Variants in ABCA1 observed in about 807,000 individuals in gnomAD.
ABCA1 encodes the protein ATP binding cassette subfamily A member 1, also known as phospholipid-transporting ATPase ABCA1.
Under a neutral mutation model 262.5 loss-of-function variants are expected in ABCA1, and 133 were observed. The observed-to-expected ratio is 0.51, with a 90% confidence interval of 0.44 to 0.59. ABCA1 has a LOEUF of 0.59. ABCA1 is among the 20% of genes least tolerant of loss of function. The pLI, the probability that ABCA1 is intolerant of heterozygous loss-of-function variation, is 0.00. For missense variants in ABCA1, 2,452 were observed against 2,777.5 expected, an observed-to-expected ratio of 0.88 and a Z score of 2.63; for synonymous variants, 1,022 against 1,043.5, an observed-to-expected ratio of 0.98 and a Z score of 0.40.
At chr9:104,829,563 T>C (rs1189247145) in intron 14 of ABCA1, among the ~76,000 whole-genome samples, 1 of 152,182 alleles carries the variant, frequency 6.6e-6, no homozygotes, top group Non-Finnish European at 1.5e-5. Context: ...CTTGTCAATG[T>C]TTCAGATTCC....
At position 104,784,745 on chromosome 9, in the gene ABCA1, G is replaced by T. The variant is rs554924267; in HGVS notation, c.6646-290C>A. On this transcript the variant is annotated intron_variant, in intron 49 of 49. Coordinates refer to ENST00000374736, the MANE Select transcript of ABCA1 (RefSeq NM_005502.4). ...TGTAACCTCCACCTCCTGGGTTCGA[G>T]CAATTCTCCTGCCTCAGCCTCGCAA... Among the ~76,000 whole-genome samples the T allele has an allele frequency of 3.5e-4, 53 of 152,286 alleles. 1 individual carries two copies. In the South Asian group the frequency reaches 0.011, roughly 30 times the overall value.
At position 104,814,235 on chromosome 9, in the gene ABCA1, A is replaced by C. The variant is rs1831529158; in HGVS notation, c.3788-4T>G. 1 of 1,613,934 alleles carries C rather than the reference A, an allele frequency of 6.2e-7. No homozygotes were observed. The highest frequency in any genetic ancestry group is 8.5e-7 in the Non-Finnish European group (1 of 1,179,894). ...CGTCTTGCTGGCAAGGTACCATCTGAAGGCACAAGGAAAGAATCCCATACT... is the reference window on the plus strand; with the variant it reads ...CGTCTTGCTGGCAAGGTACCATCTGCAGGCACAAGGAAAGAATCCCATACT... On this transcript the variant is annotated splice_region_variant and splice_polypyrimidine_tract_variant and intron_variant, in intron 26 of 49. Transcript: ENST00000374736.
chr9:104,849,548 G>A (rs879503007), intron 7 of ABCA1, among the ~76,000 whole-genome samples: 2 of 152,172 alleles, frequency 1.3e-5, no homozygotes, highest in African/African-American at 2.4e-5. Flanking sequence ...GCAATCTGTA[G>A]TCAATATAAA....
chr9:104,809,497 C>T lies in ABCA1; in HGVS notation c.4243G>A (p.Gly1415Arg), dbSNP rs1438323919. The change falls in exon 30 of 50, where the codon GGG becomes AGG. Residue 1415 changes from glycine (G) to arginine (R), a missense_variant. Gly to Arg is a moderately radical substitution (Grantham distance 125). Coordinates refer to ENST00000374736, the MANE Select transcript of ABCA1 (RefSeq NM_005502.4). ...GGGTTTCCTTCCATACAGCGGGTCC[C>T]GAAGCCAGGGTCTTTGGTGAGGGCG... ...LNALTKDPGFGTRCMEGNPIP... is the reference protein window; with the variant it reads ...LNALTKDPGFRTRCMEGNPIP... 1.9e-6 allele frequency: 3 copies of T among 1,614,166 alleles called. No individual in the cohort carries two copies. The highest frequency in any genetic ancestry group is 2.2e-5 in the East Asian group (1 of 44,886).
At chr9:104,846,550 C>T (rs368284433) in intron 7 of ABCA1, among the ~76,000 whole-genome samples, 6 of 152,330 alleles carry the variant, frequency 3.9e-5, no homozygotes, top group African/African-American at 1.4e-4. Context: ...GACTCACTAT[C>T]TCTGAGAAAT....
At chr9:104,799,543 A>T (rs903108794) in intron 36 of ABCA1, 1 of 981,724 alleles carries the variant, frequency 1.0e-6, no homozygotes, top group African/African-American at 1.7e-5. Flanking sequence ...TAATTAAATT[A>T]TAATTTAATT....
intron 1 of ABCA1, among the ~76,000 whole-genome samples, chr9:104,914,354 T>C (rs1239862350): frequency 6.6e-6 from 1 of 151,744 alleles, no homozygotes; most frequent in African/African-American, 2.4e-5. Flanking sequence ...AGTGGGTGCC[T>C]GTAATCTCAG....
Position 104,782,489 on chromosome 9 carries a change from C to G in ABCA1, c.*1826G>C, listed in dbSNP as rs1828601499. ...GAACTTCCCCAAACAATAGTTCTCTCATATTTTTCTTTTCTCTCAAGACAG... is the reference window on the plus strand; with the variant it reads ...GAACTTCCCCAAACAATAGTTCTCTGATATTTTTCTTTTCTCTCAAGACAG... On this transcript the variant is annotated 3_prime_UTR_variant, in exon 50 of 50. Coordinates refer to ENST00000374736, the MANE Select transcript of ABCA1 (RefSeq NM_005502.4). 2 of 152,104 alleles carry G rather than the reference C, an allele frequency of 1.3e-5. No individual in the cohort carries two copies. Among genetic ancestry groups the G allele is most frequent in the Non-Finnish European group, 2.9e-5 (2 of 67,998 alleles). 9.4% of individuals were successfully genotyped at this position (152,104 alleles called of 1,614,324 possible).
At chr9:104,889,273 C>T in intron 2 of ABCA1, 78 bp from the exon 3 acceptor site, 1 of 1,552,176 alleles carries the variant, frequency 6.4e-7, no homozygotes, top group South Asian at 1.2e-5. Flanking sequence ...CTGGGAAATC[C>T]ACAGACAACT....
intron 3 of ABCA1, among the ~76,000 whole-genome samples, chr9:104,887,134 C>T (rs917553897): frequency 1.3e-5 from 2 of 152,078 alleles, no homozygotes; most frequent in African/African-American, 4.8e-5. Flanking sequence ...AAAAATTAGC[C>T]GGACGTGGTG....
At chr9:104,809,598 T>C (rs1201699159) in intron 29 of ABCA1, 34 bp from the exon 30 acceptor site, 18 of 1,563,360 alleles carry the variant, frequency 1.2e-5, no homozygotes, top group Non-Finnish European at 1.4e-5. Flanking sequence ...AGCTTAGTAA[T>C]TCATTAAAAC....
Position 104,819,932 on chromosome 9 carries a change from A to G in ABCA1, c.3098T>C (p.Leu1033Pro), listed in dbSNP as rs1257487627. Residue 1033 changes from leucine to proline, a missense_variant, in exon 21 of 50, where the codon CTG (leucine) becomes CCG (proline). This residue lies in a region of ABCA1 where 665 missense variants were observed against 727.3 expected (regional missense o/e 0.91). Transcript: ENST00000374736. ...SSKLKSKTSQ[L>P]SGGMQRKLSV... ...AAGGTAGCTCTGGGCCGCACCTGAC[A>G]GCTGGCTTGTTTTGCTTTTCAGCTT... 3.1e-6 allele frequency: 5 copies of G among 1,613,346 alleles called. No individual in the cohort carries two copies. The highest frequency in any genetic ancestry group is 3.3e-5 in the Admixed American group (2 of 60,022).
rs912928364 is a variant in ABCA1 at position 104,817,120 on chromosome 9, T to A, written c.3535+212A>T. On this transcript the variant is annotated intron_variant, in intron 24 of 49. Coordinates refer to ENST00000374736, the MANE Select transcript of ABCA1 (RefSeq NM_005502.4). The surrounding 1 kb of genome is among the most constrained non-coding windows in gnomAD (Gnocchi z 4.7). ...ATCTCAGCTCTCTGGGACACTGCCC[T>A]GCTAGCTCCCAAACCGAGCCCCAGG... 3 of 757,042 alleles carry A rather than the reference T, an allele frequency of 4.0e-6. No individual in the cohort carries two copies. Among genetic ancestry groups the A allele is most frequent in the Non-Finnish European group, 4.8e-6 (3 of 621,688 alleles). The allele number at this position is 757,042 out of a possible 1,614,324, so 46.9% of individuals were successfully genotyped here.
At chr9:104,788,692 C>T in intron 44 of ABCA1, 125 bp from the exon 45 acceptor site, 2 of 1,235,852 alleles carry the variant, frequency 1.6e-6, no homozygotes, top group Non-Finnish European at 2.3e-6. Context: ...TCTGCTGCTA[C>T]TTGAAAGCAC....
intron 28 of ABCA1, 54 bp from the exon 29 acceptor site, chr9:104,810,978 G>C: frequency 1.9e-6 from 3 of 1,612,726 alleles, no homozygotes; most frequent in Non-Finnish European, 2.5e-6. Flanking sequence ...GCAAGTGTTA[G>C]AAACAAGGCC....
chr9:104,914,099 C>T (rs1297121994), intron 1 of ABCA1, among the ~76,000 whole-genome samples: 2 of 151,886 alleles, frequency 1.3e-5, no homozygotes, highest in African/African-American at 4.8e-5. Flanking sequence ...GCACCCGGCC[C>T]CCTACAAGTT....
chr9:104,900,168 A>G (rs1181675624), intron 2 of ABCA1, among the ~76,000 whole-genome samples: 1 of 152,128 alleles, frequency 6.6e-6, no homozygotes. Flanking sequence ...TCTGGGGTAT[A>G]CCATTCAGCT....
At chr9:104,882,056 A>AAAAAAAAAAAAAC (rs910844455) in intron 5 of ABCA1, among the ~76,000 whole-genome samples, 1 of 144,538 alleles carries the variant, frequency 6.9e-6, no homozygotes, top group Non-Finnish European at 1.5e-5. Context: ...AAAAAAAAAA[A>AAAAAAAAAAAAAC]ACTCAAATCT....
At chr9:104,813,507 G>T (rs1425040429) in intron 27 of ABCA1, among the ~76,000 whole-genome samples, 1 of 152,134 alleles carries the variant, frequency 6.6e-6, no homozygotes, top group East Asian at 1.9e-4. Flanking sequence ...TCTGCCTCCT[G>T]GGTTCAAGCG....
Sources: gnomAD v4.1 joint callset for allele counts (sites outside exome capture counted in the v4.1 genomes callset) on GRCh38, gnomAD v4.1.1 for gene constraint, gnomAD v4.1.1 regional missense constraint, Gnocchi (gnomAD v3.1) non-coding constraint, MANE v1.5 for transcripts, NCBI Gene and HGNC (gene_info 2026-07-23, HGNC 2026-07-21) for gene names.